The following COL13A1 variants were observed in gnomAD, a reference collection of about 807,000 sequenced individuals.
COL13A1 encodes collagen type XIII alpha 1 chain.
Under a neutral mutation model 130.9 loss-of-function variants are expected in COL13A1, and 89 were observed. That is an observed-to-expected ratio of 0.68 (90% CI 0.57 to 0.81). COL13A1 has a LOEUF of 0.81. Ranked by LOEUF, COL13A1 falls within the 30% of genes least tolerant of loss-of-function variation. COL13A1 has a pLI of 0.00. For missense variants in COL13A1, 879 were observed against 934.6 expected, an observed-to-expected ratio of 0.94 and a Z score of 0.78; for synonymous variants, 402 against 341.6, an observed-to-expected ratio of 1.18 and a Z score of -1.95.
At chr10:69,877,488 T>A (rs145317907) in intron 5 of COL13A1, 1 of 153,148 alleles carries the variant, frequency 6.5e-6, no homozygotes, top group African/African-American at 2.4e-5. Context: ...CCTGCAAACC[T>A]CCTAGACACC....
intron 3 of COL13A1, among the ~76,000 whole-genome samples, chr10:69,869,544 G>T (rs1308462119): frequency 6.6e-6 from 1 of 152,182 alleles, no homozygotes; most frequent in Non-Finnish European, 1.5e-5. Context: ...GATTTCTGCG[G>T]GCACAAGGTC....
intron 2 of COL13A1, among the ~76,000 whole-genome samples, chr10:69,858,496 C>T (rs1445374859): frequency 6.6e-6 from 1 of 152,202 alleles, no homozygotes; most frequent in Non-Finnish European, 1.5e-5. Flanking sequence ...TGCTCTTGTC[C>T]AGGATTCTGG....
chr10:69,893,300 G>A (rs975068715), intron 10 of COL13A1, among the ~76,000 whole-genome samples: 2 of 152,212 alleles, frequency 1.3e-5, no homozygotes, highest in Admixed American at 6.5e-5. Context: ...TGCAGTGAGC[G>A]GAGATCACAC....
intron 14 of COL13A1, among the ~76,000 whole-genome samples, chr10:69,899,554 A>AGCT (rs1395637077): frequency 1.2e-4 from 19 of 152,206 alleles, no homozygotes; most frequent in African/African-American, 4.3e-4. Context: ...CAGACTGCTT[A>AGCT]GCATCTGATC....
chr10:69,955,994 G>A (rs937689809), intron 39 of COL13A1: 5 of 152,302 alleles, frequency 3.3e-5, no homozygotes, highest in African/African-American at 1.2e-4. Context: ...TCAGCCCCTG[G>A]CGTGGGTGGA....
intron 1 of COL13A1, among the ~76,000 whole-genome samples, chr10:69,807,275 A>G (rs1841845362): frequency 6.6e-6 from 1 of 152,174 alleles, no homozygotes; most frequent in Non-Finnish European, 1.5e-5. Context: ...CCTTTTACAG[A>G]TGAGAAGACT....
intron 2 of COL13A1, among the ~76,000 whole-genome samples, chr10:69,842,594 C>T (rs540095124): frequency 6.6e-6 from 1 of 152,320 alleles, no homozygotes; most frequent in African/African-American, 2.4e-5. Flanking sequence ...CCCACCCAAA[C>T]GCAGGGGCTG....
At chr10:69,877,977 C>T in intron 5 of COL13A1, 62 bp from the exon 6 acceptor site, 1 of 696,604 alleles carries the variant, frequency 1.4e-6, no homozygotes, top group South Asian at 1.5e-5. Context: ...CTTTCTCATC[C>T]CCTCTTTTTT....
At chr10:69,903,113 C>T (rs1412694740) in intron 15 of COL13A1, among the ~76,000 whole-genome samples, 2 of 152,234 alleles carry the variant, frequency 1.3e-5, no homozygotes, top group Non-Finnish European at 2.9e-5. Flanking sequence ...GCCCCGTTCC[C>T]AGCCCCAGCA....
At chr10:69,905,963 C>T in intron 17 of COL13A1, 141 bp downstream of exon 17, 1 of 885,890 alleles carries the variant, frequency 1.1e-6, no homozygotes, top group Non-Finnish European at 1.7e-6. Context: ...CTCACTGGCC[C>T]CCCGAGGGCC....
At chr10:69,838,335 G>A (rs553637148) in intron 2 of COL13A1, among the ~76,000 whole-genome samples, 25 of 152,242 alleles carry the variant, frequency 1.6e-4, no homozygotes, top group Non-Finnish European at 2.9e-4. Context: ...AAAGTGGCAG[G>A]ATTATCTGCT....
rs761443179 is a variant in COL13A1 at position 69,928,967 on chromosome 10, C to T, written c.1453C>T (p.Pro485Ser). ...TCCTGGTCTTCCTGGGCAAATTGGC[C>T]CACCTGGAGCTCCAGGGATTCCAGG... The part of the protein sequence containing the change: ...GPPGLPGQIG[P>S]PGAPGIPGQK... The change falls in exon 28 of 41, where the codon CCA (proline) becomes TCA (serine). Residue 485 changes from proline (P) to serine (S), a missense_variant. Coordinates refer to ENST00000645393, the MANE Select transcript of COL13A1 (RefSeq NM_001368882.1). 4 of 1,613,486 alleles carry T rather than the reference C, an allele frequency of 2.5e-6. No homozygotes were observed. The highest frequency in any genetic ancestry group is 3.4e-6 in the Non-Finnish European group (4 of 1,179,690).
At chr10:69,902,426 G>C (rs534575935) in intron 14 of COL13A1, among the ~76,000 whole-genome samples, 10 of 152,308 alleles carry the variant, frequency 6.6e-5, no homozygotes, top group African/African-American at 2.4e-4. Flanking sequence ...CTGGGAGCAG[G>C]CCTTTGGTTG....
intron 4 of COL13A1, among the ~76,000 whole-genome samples, chr10:69,874,756 G>A (rs1214327908): frequency 1.3e-5 from 2 of 152,146 alleles, no homozygotes; most frequent in Non-Finnish European, 2.9e-5. Context: ...TTGAAGTTGC[G>A]TTTGATAAAG....
At chr10:69,897,564 C>T (rs1201391760) in intron 13 of COL13A1, 3 of 1,610,866 alleles carry the variant, frequency 1.9e-6, no homozygotes, top group South Asian at 2.2e-5. Context: ...CCGGGCCCCT[C>T]TCCACTGAGA....
chr10:69,894,743 A>G (rs955143368), intron 12 of COL13A1, 42 bp downstream of exon 12: 11 of 1,612,802 alleles, frequency 6.8e-6, no homozygotes, highest in African/African-American at 4.0e-5. Context: ...ATCTCAGGAA[A>G]TGGCCTCCCA....
At chr10:69,813,700 T>A (rs1843671675) in intron 1 of COL13A1, among the ~76,000 whole-genome samples, 1 of 152,032 alleles carries the variant, frequency 6.6e-6, no homozygotes, top group African/African-American at 2.4e-5. Flanking sequence ...CTGGTGGGTG[T>A]GGGTTGGATG....
At chr10:69,808,896 C>A (rs1329898858) in intron 1 of COL13A1, among the ~76,000 whole-genome samples, 1 of 152,204 alleles carries the variant, frequency 6.6e-6, no homozygotes, top group Non-Finnish European at 1.5e-5. Flanking sequence ...TTCTCAGCAA[C>A]CAGCAGAGGA....
Position 69,952,951 on chromosome 10 carries a change from G to A in COL13A1, c.2128G>A (p.Asp710Asn). 1.3e-6 allele frequency: 2 copies of A among 1,555,354 alleles called. No individual in the cohort carries two copies. Among genetic ancestry groups the A allele is most frequent in the Admixed American group, 2.1e-5 (1 of 47,026 alleles). Residue 710 changes from aspartate (D) to asparagine (N), a missense_variant, in exon 39 of 41, where the codon GAT becomes AAT. Physicochemically the swap from Asp to Asn is conservative, Grantham distance 23. Coordinates refer to ENST00000645393, the MANE Select transcript of COL13A1 (RefSeq NM_001368882.1). ...GGGAGACCAAGGAGCGCCTGGATTA[G>A]ATGCCCCCTGCCCATTGGTATGTTT... ...DKGDQGAPGL[D>N]APCPLGEDGL...
Sources: gnomAD v4.1 joint callset for allele counts (sites outside exome capture counted in the v4.1 genomes callset) on GRCh38, gnomAD v4.1.1 for gene constraint, MANE v1.5 for transcripts, NCBI Gene and HGNC (gene_info 2026-07-23, HGNC 2026-07-21) for gene names.